HS3ST4: variants seen among roughly 807,000 people sequenced by gnomAD.
The protein encoded by HS3ST4 is heparan sulfate glucosamine 3-O-sulfotransferase 4.
A neutral mutation model predicts 29.2 loss-of-function variants in HS3ST4; 17 were observed. That is an observed-to-expected ratio of 0.58 (90% CI 0.40 to 0.87). The LOEUF (loss-of-function observed/expected upper bound fraction) is 0.87, where lower values mean the gene tolerates loss of function less well. HS3ST4 is among the 40% of genes least tolerant of loss of function. The pLI is 0.00. For synonymous variants in HS3ST4, 314 were observed against 285.7 expected (o/e 1.10, Z -1.00); for missense variants, 627 against 634.5 (o/e 0.99, Z 0.13).
chr16:25,932,814 C>A (rs753964376), intron 1 of HS3ST4, among the ~76,000 whole-genome samples: 47 of 152,326 alleles, frequency 3.1e-4, no homozygotes, highest in Non-Finnish European at 5.3e-4. Context: ...TCCTAAGTGG[C>A]AGACCTGGTC....
intron 1 of HS3ST4, among the ~76,000 whole-genome samples, chr16:25,712,833 C>T (rs921981461): frequency 6.6e-6 from 1 of 152,096 alleles, no homozygotes; most frequent in Non-Finnish European, 1.5e-5. Flanking sequence ...GGGTGACAAA[C>T]AACAGAAATA....
At chr16:25,759,052 C>T (rs1966774304) in intron 1 of HS3ST4, among the ~76,000 whole-genome samples, 1 of 152,034 alleles carries the variant, frequency 6.6e-6, no homozygotes, top group East Asian at 1.9e-4. Flanking sequence ...ATCTAAATAG[C>T]TGTAGCCAGG....
intron 1 of HS3ST4, among the ~76,000 whole-genome samples, chr16:25,851,874 T>C (rs1489454070): frequency 1.8e-4 from 1 of 5,524 alleles, no homozygotes; most frequent in East Asian, 0.17. Context: ...AACGACACTT[T>C]CGAAGTTATT....
intron 1 of HS3ST4, among the ~76,000 whole-genome samples, chr16:26,019,607 A>C (rs1969392424): frequency 6.6e-6 from 1 of 152,146 alleles, no homozygotes; most frequent in African/African-American, 2.4e-5. Flanking sequence ...TTGGAAACAC[A>C]CAGGGAGGGC....
intron 1 of HS3ST4, among the ~76,000 whole-genome samples, chr16:25,850,476 C>A (rs1435890380): frequency 6.6e-6 from 1 of 152,104 alleles, no homozygotes; most frequent in Non-Finnish European, 1.5e-5. Flanking sequence ...GCATATTCTT[C>A]CCCTCTATGT....
chr16:25,754,061 G>A (rs1966739668), intron 1 of HS3ST4, among the ~76,000 whole-genome samples: 1 of 152,108 alleles, frequency 6.6e-6, no homozygotes, highest in Admixed American at 6.6e-5. Context: ...TCTTATGATG[G>A]GAATGGTTGA....
At chr16:25,973,429 T>TGTGGCAGAAGAAAATCCA (rs1968915445) in intron 1 of HS3ST4, among the ~76,000 whole-genome samples, 1 of 152,226 alleles carries the variant, frequency 6.6e-6, no homozygotes, top group African/African-American at 2.4e-5. Flanking sequence ...CTCATAACAA[T>TGTGGCAGAAGAAAATCCA]GTGGCAGAAG....
At chr16:25,962,777 C>A (rs1409488623) in intron 1 of HS3ST4, among the ~76,000 whole-genome samples, 1 of 152,198 alleles carries the variant, frequency 6.6e-6, no homozygotes, top group Non-Finnish European at 1.5e-5. Flanking sequence ...ACCTAACCAA[C>A]CAAACCAAGG....
At chr16:26,119,909 G>T (rs562617312) in intron 1 of HS3ST4, among the ~76,000 whole-genome samples, 1 of 152,138 alleles carries the variant, frequency 6.6e-6, no homozygotes, top group Non-Finnish European at 1.5e-5. Context: ...ACAGCAAGCC[G>T]TAGGAAATGA....
chr16:26,028,195 C>T (rs1190499159), intron 1 of HS3ST4, among the ~76,000 whole-genome samples: 1 of 142,736 alleles, frequency 7.0e-6, no homozygotes, highest in Non-Finnish European at 1.5e-5. Context: ...ATTGCTTGAA[C>T]GTGGGAAGCA....
chr16:26,097,849 A>C (rs1013011183), intron 1 of HS3ST4, among the ~76,000 whole-genome samples: 1 of 152,230 alleles, frequency 6.6e-6, no homozygotes, highest in Non-Finnish European at 1.5e-5. Context: ...CAAAGGCCTA[A>C]TATCCAGAAT....
chr16:25,866,961 T>C (rs1967702142), intron 1 of HS3ST4, among the ~76,000 whole-genome samples: 1 of 152,170 alleles, frequency 6.6e-6, no homozygotes, highest in Non-Finnish European at 1.5e-5. Context: ...CACGGGCCTC[T>C]CCAAGTCTTA....
intron 1 of HS3ST4, among the ~76,000 whole-genome samples, chr16:26,017,638 C>T (rs967055680): frequency 5.3e-5 from 8 of 152,094 alleles, no homozygotes; most frequent in East Asian, 1.9e-4. Flanking sequence ...AGAATCCTCC[C>T]GTATCAGAAA....
chr16:25,703,007 A>G (rs1346512730), intron 1 of HS3ST4, among the ~76,000 whole-genome samples: 1 of 152,040 alleles, frequency 6.6e-6, no homozygotes, highest in Non-Finnish European at 1.5e-5. Flanking sequence ...AAAAATACAA[A>G]AATTAGCCGG....
chr16:25,988,522 T>C (rs1397035009), intron 1 of HS3ST4, among the ~76,000 whole-genome samples: 1 of 152,184 alleles, frequency 6.6e-6, no homozygotes, highest in Non-Finnish European at 1.5e-5. Context: ...ACACAGGCCT[T>C]TGGAGAGATT....
intron 1 of HS3ST4, among the ~76,000 whole-genome samples, chr16:25,711,270 C>T (rs952927567): frequency 1.3e-5 from 2 of 152,016 alleles, no homozygotes; most frequent in Admixed American, 1.3e-4. Context: ...CCCTGCTGTG[C>T]GTTGGCAGTT....
At chr16:25,802,733 A>G (rs561638880) in intron 1 of HS3ST4, among the ~76,000 whole-genome samples, 8 of 152,222 alleles carry the variant, frequency 5.3e-5, no homozygotes, top group Non-Finnish European at 1.0e-4. Flanking sequence ...TTGTTTAGCA[A>G]TGTATTCGTT....
intron 1 of HS3ST4, among the ~76,000 whole-genome samples, chr16:25,710,383 C>A (rs1966407186): frequency 6.6e-6 from 1 of 152,132 alleles, no homozygotes; most frequent in Non-Finnish European, 1.5e-5. Flanking sequence ...ACTTGTTAAG[C>A]CCCAGGGTCA....
chr16:25,864,628 A>G (rs1348945216), intron 1 of HS3ST4, among the ~76,000 whole-genome samples: 1 of 152,056 alleles, frequency 6.6e-6, no homozygotes, highest in Non-Finnish European at 1.5e-5. Context: ...TTCCACATAT[A>G]AGGGAGGCCA....
Sources: allele counts gnomAD v4.1 joint callset (sites outside exome capture counted in the v4.1 genomes callset), GRCh38; gene constraint gnomAD v4.1.1; transcripts MANE v1.5; gene names NCBI Gene and HGNC (gene_info 2026-07-23, HGNC 2026-07-21).